The following MYT1L variants were observed in gnomAD, a reference collection of about 807,000 sequenced individuals.
MYT1L encodes myelin transcription factor 1 like, also known as myelin transcription factor 1-like protein.
In MYT1L, 12 loss-of-function variants were observed where a neutral mutation model predicts 126.7. That is an observed-to-expected ratio of 0.09 (90% CI 0.06 to 0.15). The LOEUF (loss-of-function observed/expected upper bound fraction) is 0.15. Ranked by LOEUF, MYT1L falls within the 10% of genes least tolerant of loss-of-function variation. MYT1L has a pLI of 1.00. For synonymous variants in MYT1L, 541 were observed against 604.2 expected, an observed-to-expected ratio of 0.90 and a Z score of 1.53; for missense variants, 979 against 1,585.2, an observed-to-expected ratio of 0.62 and a Z score of 6.49.
chr2:2,275,865 T>C (rs2095349743), intron 2 of MYT1L, among the ~76,000 whole-genome samples: 1 of 152,144 alleles, frequency 6.6e-6, no homozygotes, highest in Admixed American at 6.5e-5. Context: ...CTTGTTCTTG[T>C]CCTCAAGAGA....
At chr2:1,934,741 C>CACACACACACAA (rs1406129399) in intron 9 of MYT1L, among the ~76,000 whole-genome samples, 3 of 151,182 alleles carry the variant, frequency 2.0e-5, no homozygotes, top group African/African-American at 7.3e-5. Context: ...CACACACACA[C>CACACACACACAA]ACACACACAC....
intron 4 of MYT1L, among the ~76,000 whole-genome samples, chr2:2,018,522 G>A (rs1170561195): frequency 2.6e-5 from 4 of 152,236 alleles, no homozygotes; most frequent in Admixed American, 2.6e-4. Context: ...TTTTGTGGAG[G>A]AGGGAATCTT....
chr2:2,016,976 A>G (rs1558749952), intron 4 of MYT1L, among the ~76,000 whole-genome samples: 1 of 152,250 alleles, frequency 6.6e-6, no homozygotes. Flanking sequence ...AATGTAAAGG[A>G]GGAGATATTA....
At chr2:2,129,296 T>C (rs2082075702) in intron 3 of MYT1L, among the ~76,000 whole-genome samples, 1 of 152,108 alleles carries the variant, frequency 6.6e-6, no homozygotes, top group South Asian at 2.1e-4. Flanking sequence ...CTTGGAAAAA[T>C]AAAGATATGA....
chr2:1,869,401 C>A (rs563192677), intron 18 of MYT1L, among the ~76,000 whole-genome samples: 2 of 152,372 alleles, frequency 1.3e-5, no homozygotes, highest in Admixed American at 1.3e-4. Flanking sequence ...TCCCCAGTAG[C>A]CAGCTGCATT....
chr2:2,262,914 A>AT (rs2095013321), intron 2 of MYT1L, among the ~76,000 whole-genome samples: 1 of 93,258 alleles, frequency 1.1e-5, no homozygotes, highest in Non-Finnish European at 2.1e-5. Context: ...TGAGAGGCAC[A>AT]AATATATATA....
In MYT1L at chr2:1,844,977, CTT is replaced by C. The variant is rs34390205; in HGVS notation, c.2775-4136_2775-4135del. On this transcript the variant is annotated intron_variant, in intron 19 of 24. Coordinates refer to ENST00000647738, the MANE Select transcript of MYT1L (RefSeq NM_001303052.2). ...TTTCTTAGGATTTGGATCCATCTTC[CTT>C]TTTTTTTTTTTTTTTGAGACAGAGT... 8.9e-3 allele frequency among the ~76,000 whole-genome samples: 1,190 copies of C among 133,052 alleles called. 10 individuals are homozygous for C. The highest frequency in any genetic ancestry group is 0.031 in the Middle Eastern group (8 of 256). The allele number at this position is 133,052 out of a possible 152,430, so 87.3% of individuals were successfully genotyped here.
intron 9 of MYT1L, among the ~76,000 whole-genome samples, chr2:1,926,201 C>T (rs146280569): frequency 6.6e-5 from 10 of 152,210 alleles, no homozygotes; most frequent in Non-Finnish European, 1.2e-4. Context: ...CTCAAGCTAC[C>T]GGTATTTAAC....
chr2:2,254,206 T>A (rs1462198684), intron 2 of MYT1L, among the ~76,000 whole-genome samples: 1 of 152,220 alleles, frequency 6.6e-6, no homozygotes, highest in African/African-American at 2.4e-5. Flanking sequence ...CCAATGCACA[T>A]ATAAGTAAGC....
At chr2:2,252,404 C>A (rs528190841) in intron 2 of MYT1L, among the ~76,000 whole-genome samples, 1 of 152,314 alleles carries the variant, frequency 6.6e-6, no homozygotes, top group Admixed American at 6.5e-5. Context: ...GGGCATGAGT[C>A]CACACTGCCC....
intron 2 of MYT1L, among the ~76,000 whole-genome samples, chr2:2,205,969 C>G (rs965287832): frequency 1.4e-5 from 2 of 147,674 alleles, no homozygotes; most frequent in African/African-American, 5.2e-5. Context: ...CCCATAATTT[C>G]TTTTCTTTTC....
chr2:1,792,416 C>G lies in MYT1L; in HGVS notation c.3325G>C (p.Val1109Leu), dbSNP rs746396957. 6.2e-7 allele frequency: 1 copy of G among 1,613,792 alleles called. No homozygotes were observed. Among genetic ancestry groups the G allele is most frequent in the South Asian group, 1.1e-5 (1 of 90,996 alleles). Residue 1109 changes from valine to leucine, a missense_variant, in exon 24 of 25, where the codon GTG (valine) becomes CTG (leucine). By Grantham distance (32) the Val-to-Leu change is conservative. This residue lies in a region of MYT1L where 179 missense variants were observed against 398.6 expected (regional missense o/e 0.45). Transcript: ENST00000647738. ...NLKTIEEENK[V>L]IEQQNESLLH... ...AGAGACTCGTTCTGCTGCTCAATCA[C>G]TTTGTTCTCCTCTTCGATGGTCTTC...
In MYT1L at chr2:1,888,838, TAGTTA is replaced by T. The variant is rs553814766; in HGVS notation, c.2520+398_2520+402del. On this transcript the variant is annotated intron_variant, in intron 16 of 24. Coordinates refer to ENST00000647738, the MANE Select transcript of MYT1L (RefSeq NM_001303052.2). ...GACACTGTCCTTAGTTTCGAAGGGC[TAGTTA>T]ATTAATAGCACATAGTTAACCATTT... Among the ~76,000 whole-genome samples, 141 of 152,348 alleles carry T rather than the reference TAGTTA, an allele frequency of 9.3e-4. 2 individuals carry two copies. The South Asian group carries it at 0.018, about 20-fold the overall frequency.
intron 19 of MYT1L, among the ~76,000 whole-genome samples, chr2:1,850,188 CTTCCTTCCTTCCTTCCTT>C (rs2043063616): frequency 1.2e-4 from 1 of 8,204 alleles, no homozygotes; most frequent in African/African-American, 2.2e-3. Context: ...CTCCCCCTTC[CTTCCTTCCTTCCTTCCTT>C]CCTTCCTTCC....
intron 2 of MYT1L, among the ~76,000 whole-genome samples, chr2:2,283,462 C>G (rs537860490): frequency 1.3e-5 from 2 of 152,208 alleles, no homozygotes; most frequent in East Asian, 3.9e-4. Context: ...AGAGATGATG[C>G]CTTGAAAAGT....
chr2:2,294,772 A>G (rs1214927519), intron 1 of MYT1L, among the ~76,000 whole-genome samples: 1 of 152,218 alleles, frequency 6.6e-6, no homozygotes, highest in Non-Finnish European at 1.5e-5. Flanking sequence ...TTGTAGAAGA[A>G]ATCAATTATT....
rs548992716 is a variant in MYT1L at position 2,089,296 on chromosome 2, G to A, written c.-303-35173C>T. On this transcript the variant is annotated intron_variant, in intron 3 of 24. Coordinates refer to ENST00000647738, the MANE Select transcript of MYT1L (RefSeq NM_001303052.2). ...CAGGCTTGCAAATGAAAACTGCACC[G>A]CCACCCTTCAGGAAGTACTGCAGAA... is the stretch of plus-strand genomic sequence containing the variant. Among the ~76,000 whole-genome samples the A allele has an allele frequency of 5.9e-5, 9 of 152,264 alleles. No homozygotes were observed. In the South Asian group the frequency reaches 8.3e-4, roughly 14 times the overall value.
At position 1,801,928 on chromosome 2, in the gene MYT1L, G is replaced by A; in HGVS notation, c.3173-129C>T. ...GCTTGGAAAATAGACTCTTGAATTA[G>A]AAAGGAAAAAATCATCACAATCTCT... On this transcript the variant is annotated intron_variant, in intron 22 of 24. Transcript: ENST00000647738. The surrounding 1 kb of genome is among the most constrained non-coding windows in gnomAD (Gnocchi z 4.2). The A allele has an allele frequency of 1.7e-6, 1 of 597,152 alleles. No homozygotes were observed. Among genetic ancestry groups the A allele is most frequent in the Non-Finnish European group, 2.9e-6 (1 of 349,968 alleles). 37.0% of individuals were successfully genotyped at this position (597,152 alleles called of 1,614,324 possible). A position where few individuals can be genotyped will look rare whatever the true frequency, so the allele number is the denominator to read the frequency against.
intron 3 of MYT1L, among the ~76,000 whole-genome samples, chr2:2,105,909 C>G (rs1004331687): frequency 6.6e-6 from 1 of 152,162 alleles, no homozygotes; most frequent in African/African-American, 2.4e-5. Context: ...AAATATCAGG[C>G]TAAATATGTG....
Sources: gnomAD v4.1 joint callset for allele counts (sites outside exome capture counted in the v4.1 genomes callset) on GRCh38, gnomAD v4.1.1 for gene constraint, gnomAD v4.1.1 regional missense constraint, Gnocchi (gnomAD v3.1) non-coding constraint, MANE v1.5 for transcripts, NCBI Gene and HGNC (gene_info 2026-07-23, HGNC 2026-07-21) for gene names.